The following ZRANB3 variants were observed in gnomAD, a reference collection of about 807,000 sequenced individuals.
The protein encoded by ZRANB3 is zinc finger RANBP2-type containing 3.
Under a neutral mutation model 133.8 loss-of-function variants are expected in ZRANB3, and 125 were observed. The ratio of observed to expected loss-of-function variants is 0.93; its 90% confidence interval spans 0.81 to 1.08. The LOEUF is 1.08. Among genes scored for constraint, ZRANB3 ranks in the 50% least tolerant of loss-of-function variants. The pLI, the probability that ZRANB3 is intolerant of heterozygous loss-of-function variation, is 0.00. For missense variants in ZRANB3, 1,229 were observed against 1,275.5 expected (o/e 0.96, Z 0.56); for synonymous variants, 387 against 432.7 (o/e 0.89, Z 1.31).
rs1440394241 is a variant in ZRANB3, at chr2:135,198,995, C to T, written c.*1347G>A. 1 of 152,190 alleles carries T rather than the reference C, an allele frequency of 6.6e-6. No individual in the cohort carries two copies. The highest frequency in any genetic ancestry group is 2.4e-5 in the African/African-American group (1 of 41,440). 9.4% of individuals were successfully genotyped at this position (152,190 alleles called of 1,614,324 possible). A position where few individuals can be genotyped will look rare whatever the true frequency, so the allele number is the denominator to read the frequency against. On this transcript the variant is annotated 3_prime_UTR_variant, in exon 21 of 21. Transcript: ENST00000264159. ...GCTCCCTTTTGGGAATGTAATTCTTCCTCGGTCCTGTATTTTGTATAGTTC... is the reference window on the plus strand; with the variant it reads ...GCTCCCTTTTGGGAATGTAATTCTTTCTCGGTCCTGTATTTTGTATAGTTC...
intron 2 of ZRANB3, among the ~76,000 whole-genome samples, chr2:135,501,741 A>C (rs1692956962): frequency 6.6e-6 from 1 of 152,138 alleles, no homozygotes; most frequent in Non-Finnish European, 1.5e-5. Context: ...TCTTGAAAAA[A>C]TGTTCTACAT....
At chr2:135,259,401 CATTCTACATATTTTT>C (rs1679831095) in intron 12 of ZRANB3, among the ~76,000 whole-genome samples, 1 of 151,474 alleles carries the variant, frequency 6.6e-6, no homozygotes. Context: ...GACAAGCAAC[CATTCTACATATTTTT>C]ATTTATTTAT....
chr2:135,312,424 T>A (rs1683040523), intron 8 of ZRANB3, among the ~76,000 whole-genome samples: 2 of 151,922 alleles, frequency 1.3e-5, no homozygotes, highest in African/African-American at 4.8e-5. Flanking sequence ...ATCCTCATCT[T>A]AAAAAAGTAT....
chr2:135,347,857 G>A (rs1365561192), intron 5 of ZRANB3, among the ~76,000 whole-genome samples: 1 of 152,120 alleles, frequency 6.6e-6, no homozygotes, highest in Non-Finnish European at 1.5e-5. Flanking sequence ...ATATGACTAT[G>A]TTAAACAAGA....
At chr2:135,279,047 TATAA>T (rs1680975229) in intron 8 of ZRANB3, among the ~76,000 whole-genome samples, 1 of 151,890 alleles carries the variant, frequency 6.6e-6, no homozygotes, top group Admixed American at 6.6e-5. Context: ...AAAGCAGCAA[TATAA>T]GTATGGTGTT....
intron 20 of ZRANB3, among the ~76,000 whole-genome samples, chr2:135,201,769 A>G (rs1466292289): frequency 6.6e-6 from 1 of 152,202 alleles, no homozygotes; most frequent in Non-Finnish European, 1.5e-5. Flanking sequence ...GCATCTTTTA[A>G]AAACATCGAT....
At chr2:135,471,079 G>C (rs918501247) in intron 2 of ZRANB3, among the ~76,000 whole-genome samples, 1 of 150,816 alleles carries the variant, frequency 6.6e-6, no homozygotes, top group Admixed American at 6.6e-5. Flanking sequence ...GGGATTACAG[G>C]GTTGAGCCAC....
At chr2:135,280,029 T>C (rs1681023420) in intron 8 of ZRANB3, among the ~76,000 whole-genome samples, 2 of 152,222 alleles carry the variant, frequency 1.3e-5, no homozygotes, top group South Asian at 2.1e-4. Context: ...CACTGCATCA[T>C]CAGATTTTAA....
intron 15 of ZRANB3, among the ~76,000 whole-genome samples, chr2:135,220,482 G>A (rs1034300806): frequency 2.6e-5 from 4 of 151,770 alleles, no homozygotes; most frequent in South Asian, 2.1e-4. Flanking sequence ...GGAGGACCAC[G>A]AGGTCATGAG....
intron 6 of ZRANB3, among the ~76,000 whole-genome samples, chr2:135,331,215 C>G (rs1391075853): frequency 6.6e-6 from 1 of 152,138 alleles, no homozygotes; most frequent in Non-Finnish European, 1.5e-5. Flanking sequence ...ATAAATTTCC[C>G]TCTACACACT....
chr2:135,374,238 T>C (rs780795896), intron 3 of ZRANB3, among the ~76,000 whole-genome samples: 1 of 152,032 alleles, frequency 6.6e-6, no homozygotes, highest in Admixed American at 6.5e-5. Context: ...AAATCCCGTC[T>C]TTACTAAAAA....
intron 12 of ZRANB3, among the ~76,000 whole-genome samples, chr2:135,233,813 C>A (rs569365126): frequency 3.0e-4 from 46 of 152,260 alleles, no homozygotes; most frequent in East Asian, 1.9e-3. Context: ...TGGAAAGGAA[C>A]AACCAGTACA....
At chr2:135,424,229 A>G (rs975100685) in intron 2 of ZRANB3, among the ~76,000 whole-genome samples, 1 of 152,172 alleles carries the variant, frequency 6.6e-6, no homozygotes, top group Non-Finnish European at 1.5e-5. Flanking sequence ...ATATAATAGC[A>G]TTAATATAAA....
At chr2:135,248,566 G>T (rs1695904058) in intron 12 of ZRANB3, among the ~76,000 whole-genome samples, 3 of 150,550 alleles carry the variant, frequency 2.0e-5, no homozygotes, top group Admixed American at 2.0e-4. Context: ...GCATCTATAA[G>T]AAACTTAAAC....
At chr2:135,223,052 G>C (rs1421852512) in intron 15 of ZRANB3, among the ~76,000 whole-genome samples, 2 of 151,948 alleles carry the variant, frequency 1.3e-5, no homozygotes, top group African/African-American at 2.4e-5. Flanking sequence ...AAGAGGTCGA[G>C]ACAAGCTTGG....
At chr2:135,265,174 G>A (rs1680168383) in intron 12 of ZRANB3, among the ~76,000 whole-genome samples, 1 of 152,104 alleles carries the variant, frequency 6.6e-6, no homozygotes, top group Non-Finnish European at 1.5e-5. Flanking sequence ...AGGACATTTT[G>A]TATAACAAAA....
intron 6 of ZRANB3, among the ~76,000 whole-genome samples, chr2:135,336,824 A>G (rs1236164797): frequency 6.6e-6 from 1 of 152,190 alleles, no homozygotes; most frequent in Admixed American, 6.5e-5. Flanking sequence ...ACTCCAAAAG[A>G]TAAATGCAGG....
At chr2:135,211,652 C>T (rs1694100227) in intron 17 of ZRANB3, among the ~76,000 whole-genome samples, 1 of 152,012 alleles carries the variant, frequency 6.6e-6, no homozygotes, top group South Asian at 2.1e-4. Context: ...CTTCACCTTG[C>T]TCTTTTTACC....
intron 13 of ZRANB3, among the ~76,000 whole-genome samples, chr2:135,229,666 C>T (rs550543611): frequency 5.9e-5 from 9 of 152,166 alleles, no homozygotes; most frequent in Admixed American, 5.2e-4. Context: ...CGCGCCCGGC[C>T]GCCAATATTT....
Sources: gnomAD v4.1 joint callset for allele counts (sites outside exome capture counted in the v4.1 genomes callset) on GRCh38, gnomAD v4.1.1 for gene constraint, MANE v1.5 for transcripts, NCBI Gene and HGNC (gene_info 2026-07-23, HGNC 2026-07-21) for gene names.